The following PPARGC1A variants were observed in gnomAD, a reference collection of about 807,000 sequenced individuals.
The protein encoded by PPARGC1A is peroxisome proliferator-activated receptor gamma coactivator 1-alpha.
A neutral mutation model predicts 88.7 loss-of-function variants in PPARGC1A; 25 were observed. The ratio of observed to expected loss-of-function variants is 0.28; its 90% CI spans 0.21 to 0.39. PPARGC1A has a LOEUF of 0.39. PPARGC1A is among the 10% of genes least tolerant of loss of function. PPARGC1A has a pLI of 1.00. For synonymous variants in PPARGC1A, 363 were observed against 355.6 expected (o/e 1.02, Z -0.24); for missense variants, 880 against 968.7 (o/e 0.91, Z 1.22).
the PPARGC1A span, among the ~76,000 whole-genome samples, chr4:23,914,675 AT>A: frequency 6.6e-6 from 1 of 151,722 alleles, no homozygotes; most frequent in Admixed American, 6.6e-5. Context: ...TCAAAATTGT[AT>A]TTAAAAACAA....
the PPARGC1A span, among the ~76,000 whole-genome samples, chr4:24,266,439 C>G: frequency 5.3e-5 from 8 of 152,140 alleles, no homozygotes; most frequent in African/African-American, 1.7e-4. Context: ...TTCATTCAGT[C>G]AGTCAGTAGG....
chr4:23,931,542 G>A, the PPARGC1A span, among the ~76,000 whole-genome samples: 1 of 152,038 alleles, frequency 6.6e-6, no homozygotes, highest in Non-Finnish European at 1.5e-5. Flanking sequence ...AAGAAAGGAA[G>A]GTGACCCATT....
chr4:23,892,286 T>C (rs1340749487), upstream of PPARGC1A, among the ~76,000 whole-genome samples: 3 of 152,182 alleles, frequency 2.0e-5, no homozygotes, highest in Non-Finnish European at 4.4e-5. Context: ...TGTGTTTTCT[T>C]CACTCTCACT....
At chr4:24,178,013 G>A in the PPARGC1A span, among the ~76,000 whole-genome samples, 3 of 152,108 alleles carry the variant, frequency 2.0e-5, no homozygotes, top group African/African-American at 7.2e-5. Context: ...CTATACTCCC[G>A]CCAACAGCAT....
chr4:23,834,993 A>G (rs952344793), intron 2 of PPARGC1A, among the ~76,000 whole-genome samples: 2 of 152,216 alleles, frequency 1.3e-5, no homozygotes, highest in African/African-American at 2.4e-5. Context: ...ACACATATAC[A>G]CACTTTCAGT....
chr4:24,319,037 CAAG>C, the PPARGC1A span, among the ~76,000 whole-genome samples: 13 of 152,134 alleles, frequency 8.5e-5, no homozygotes, highest in African/African-American at 3.1e-4. Flanking sequence ...AGAAAAGAAA[CAAG>C]AAGAGATAAA....
chr4:24,366,072 G>A, the PPARGC1A span, among the ~76,000 whole-genome samples: 1 of 152,108 alleles, frequency 6.6e-6, no homozygotes, highest in Non-Finnish European at 1.5e-5. Context: ...AAACCACCAG[G>A]CTTGAACCAG....
At chr4:24,194,637 C>T in the PPARGC1A span, among the ~76,000 whole-genome samples, 2 of 23,638 alleles carry the variant, frequency 8.5e-5, no homozygotes, top group African/African-American at 1.6e-4. Context: ...CGCGCACACA[C>T]ACACACACAC....
At chr4:23,839,522 G>A (rs563504501) in intron 2 of PPARGC1A, among the ~76,000 whole-genome samples, 2 of 152,248 alleles carry the variant, frequency 1.3e-5, no homozygotes, top group African/African-American at 4.8e-5. Flanking sequence ...GAAGTCAGGA[G>A]AATTAATCCT....
chr4:23,976,109 A>G, the PPARGC1A span, among the ~76,000 whole-genome samples: 4 of 152,238 alleles, frequency 2.6e-5, no homozygotes, highest in Admixed American at 6.5e-5. Context: ...GGTTTAGCAA[A>G]TATGAGACAT....
At chr4:23,915,331 G>T in the PPARGC1A span, among the ~76,000 whole-genome samples, 7 of 152,152 alleles carry the variant, frequency 4.6e-5, no homozygotes, top group Non-Finnish European at 7.4e-5. Flanking sequence ...TAGCTGAGTT[G>T]TGAATTGAGC....
chr4:24,335,468 T>C, the PPARGC1A span, among the ~76,000 whole-genome samples: 1 of 152,164 alleles, frequency 6.6e-6, no homozygotes, highest in East Asian at 1.9e-4. Context: ...CCCTCCTCTA[T>C]AGGGTTCCTT....
chr4:24,033,134 C>A, the PPARGC1A span, among the ~76,000 whole-genome samples: 1 of 152,132 alleles, frequency 6.6e-6, no homozygotes, highest in African/African-American at 2.4e-5. Context: ...ATAGGCTCAG[C>A]GGTCAGACTT....
the PPARGC1A span, among the ~76,000 whole-genome samples, chr4:24,052,854 A>ATTTTTTTTTTT: frequency 1.5e-5 from 1 of 65,790 alleles, no homozygotes; most frequent in Non-Finnish European, 2.7e-5. Flanking sequence ...GCGTACGCAG[A>ATTTTTTTTTTT]TTTTTTTTTT....
intron 2 of PPARGC1A, among the ~76,000 whole-genome samples, chr4:23,868,962 A>C (rs1712668121): frequency 6.6e-6 from 1 of 152,162 alleles, no homozygotes; most frequent in African/African-American, 2.4e-5. Flanking sequence ...TTCTGCACTT[A>C]ATTTGCATGG....
the PPARGC1A span, among the ~76,000 whole-genome samples, chr4:24,203,514 A>C: frequency 6.6e-6 from 1 of 152,238 alleles, no homozygotes. Context: ...ATAACAAACT[A>C]TTTGAAGAAA....
At chr4:24,079,546 A>AT in the PPARGC1A span, among the ~76,000 whole-genome samples, 11 of 152,030 alleles carry the variant, frequency 7.2e-5, no homozygotes, top group African/African-American at 2.6e-4. Context: ...ATTTTTTCCA[A>AT]TTTTTTTAAT....
At chr4:23,849,005 G>C (rs1001738385) in intron 2 of PPARGC1A, among the ~76,000 whole-genome samples, 1 of 152,074 alleles carries the variant, frequency 6.6e-6, no homozygotes, top group African/African-American at 2.4e-5. Flanking sequence ...TTAGCCGGGC[G>C]TGGTAGCGGG....
the PPARGC1A span, among the ~76,000 whole-genome samples, chr4:24,355,842 G>T: frequency 6.6e-6 from 1 of 152,100 alleles, no homozygotes; most frequent in African/African-American, 2.4e-5. Flanking sequence ...ATTTAAAACA[G>T]GTTAGCTGAA....
Sources: gnomAD v4.1 joint callset for allele counts (sites outside exome capture counted in the v4.1 genomes callset) on GRCh38, gnomAD v4.1.1 for gene constraint, MANE v1.5 for transcripts, NCBI Gene and HGNC (gene_info 2026-07-23, HGNC 2026-07-21) for gene names.